Variants in KLHL3 observed in about 807,000 individuals in gnomAD.
The protein encoded by KLHL3 is kelch-like protein 3.
In KLHL3, 19 loss-of-function variants were observed where a neutral mutation model predicts 70.5. The ratio of observed to expected loss-of-function variants is 0.27; its 90% CI spans 0.19 to 0.40. KLHL3 has a LOEUF of 0.40. KLHL3 is among the 10% of genes least tolerant of loss of function. The probability of loss-of-function intolerance (pLI) is 1.00; values close to 1 mark genes in which losing one functional copy is unlikely to be tolerated. For synonymous variants in KLHL3, 258 were observed against 290.3 expected (o/e 0.89, Z 1.13); for missense variants, 512 against 771.1 (o/e 0.66, Z 3.98).
intron 13 of KLHL3, among the ~76,000 whole-genome samples, chr5:137,627,295 TA>T (rs946275468): frequency 7.9e-5 from 12 of 152,162 alleles, no homozygotes; most frequent in Admixed American, 2.6e-4. Flanking sequence ...TTTTTGTTAT[TA>T]AAAAATAGAA....
Position 137,626,002 on chromosome 5 carries a change from T to C in KLHL3, c.1592-106A>G, listed in dbSNP as rs981569219. 19 of 1,334,540 alleles carry C rather than the reference T, an allele frequency of 1.4e-5. No homozygotes were observed. The African/African-American group carries it at 2.3e-4, about 16-fold the overall frequency. 82.7% of individuals were successfully genotyped at this position (1,334,540 alleles called of 1,614,324 possible). ...TAGCCTGGGAGGCTCTTTTCCTCCC[T>C]TCATGGCAATACAACAGAGATTTGG... On this transcript the variant is annotated intron_variant, in intron 13 of 14. Transcript: ENST00000309755.
At chr5:137,694,612 C>G (rs1380918301) in intron 4 of KLHL3, among the ~76,000 whole-genome samples, 1 of 152,200 alleles carries the variant, frequency 6.6e-6, no homozygotes, top group Non-Finnish European at 1.5e-5. Flanking sequence ...ATAAAAAGCT[C>G]TGCTCCCAGT....
At chr5:137,706,784 A>T (rs1752694722) in intron 3 of KLHL3, among the ~76,000 whole-genome samples, 1 of 152,214 alleles carries the variant, frequency 6.6e-6, no homozygotes, top group African/African-American at 2.4e-5. Flanking sequence ...TGCTAAGCTC[A>T]ATTAAACAAA....
At chr5:137,667,952 T>G (rs1751653289) in intron 6 of KLHL3, among the ~76,000 whole-genome samples, 1 of 152,184 alleles carries the variant, frequency 6.6e-6, no homozygotes, top group Non-Finnish European at 1.5e-5. Context: ...TAGGTGTCAC[T>G]GCTCACATTT....
At chr5:137,692,854 A>ACACACAC (rs1561609024) in intron 4 of KLHL3, among the ~76,000 whole-genome samples, 5 of 150,822 alleles carry the variant, frequency 3.3e-5, no homozygotes, top group South Asian at 2.1e-4. Context: ...ACACACACAC[A>ACACACAC]ATGGTTCTCA....
chr5:137,663,056 C>CTTTTTTTT (rs139890036), intron 6 of KLHL3, among the ~76,000 whole-genome samples: 45 of 77,928 alleles, frequency 5.8e-4, no homozygotes, highest in East Asian at 1.3e-3. Context: ...AGCACTCGTT[C>CTTTTTTTT]TTTTTTTTTT....
At chr5:137,647,873 C>A (rs968019917) in intron 8 of KLHL3, among the ~76,000 whole-genome samples, 3 of 152,140 alleles carry the variant, frequency 2.0e-5, no homozygotes, top group Non-Finnish European at 4.4e-5. Flanking sequence ...TAGTATCAGC[C>A]CAGTCACTAT....
In KLHL3 at chr5:137,618,483, T is replaced by G. The variant is rs1366577846; in HGVS notation, c.*3615A>C. 6.6e-6 allele frequency: 1 copy of G among 152,124 alleles called. No homozygotes were observed. The highest frequency in any genetic ancestry group is 1.9e-4 in the East Asian group (1 of 5,192). The allele number at this position is 152,124 out of a possible 1,614,324, so 9.4% of individuals were successfully genotyped here. A position where few individuals can be genotyped will look rare whatever the true frequency, so the allele number is the denominator to read the frequency against. On this transcript the variant is annotated 3_prime_UTR_variant, in exon 15 of 15. Transcript: ENST00000309755. ...GCATATGCTTAACACACAGGGATCATGAGGATTGACCCCTCTTTTAAAGGT... is the reference window on the plus strand; with the variant it reads ...GCATATGCTTAACACACAGGGATCAGGAGGATTGACCCCTCTTTTAAAGGT...
intron 2 of KLHL3, among the ~76,000 whole-genome samples, chr5:137,713,505 C>T (rs1752837513): frequency 6.6e-6 from 1 of 152,104 alleles, no homozygotes. Context: ...TGGATCCCTA[C>T]CTCACACCAT....
At chr5:137,663,747 C>T (rs1178392815) in intron 6 of KLHL3, among the ~76,000 whole-genome samples, 2 of 151,998 alleles carry the variant, frequency 1.3e-5, no homozygotes, top group Non-Finnish European at 2.9e-5. Context: ...ACTCTATTTT[C>T]GCTATTAAAA....
At chr5:137,706,030 T>G (rs1192469768) in intron 3 of KLHL3, 3 of 985,336 alleles carry the variant, frequency 3.0e-6, no homozygotes, top group Non-Finnish European at 3.6e-6. Flanking sequence ...TGGGACACTC[T>G]CTGATGGGCA....
chr5:137,641,342 T>C (rs1334176070), intron 8 of KLHL3, among the ~76,000 whole-genome samples: 1 of 152,216 alleles, frequency 6.6e-6, no homozygotes, highest in Non-Finnish European at 1.5e-5. Context: ...CACAAGCTGC[T>C]GGGCCCTATC....
intron 1 of KLHL3, among the ~76,000 whole-genome samples, chr5:137,734,001 G>A (rs984395033): frequency 6.6e-6 from 1 of 152,188 alleles, no homozygotes; most frequent in African/African-American, 2.4e-5. Context: ...TGTGCAACCT[G>A]GTGTTCTAAA....
intron 6 of KLHL3, among the ~76,000 whole-genome samples, chr5:137,674,968 T>C (rs545448408): frequency 4.6e-5 from 7 of 152,192 alleles, no homozygotes; most frequent in Non-Finnish European, 7.3e-5. Flanking sequence ...TGATCAATTA[T>C]GGAGAAATAA....
At chr5:137,641,987 C>T (rs1286024432) in intron 8 of KLHL3, among the ~76,000 whole-genome samples, 1 of 152,180 alleles carries the variant, frequency 6.6e-6, no homozygotes, top group Non-Finnish European at 1.5e-5. Context: ...CATTACTTCC[C>T]ATTTGTAATT....
chr5:137,723,894 AT>A (rs1388597258), intron 1 of KLHL3, among the ~76,000 whole-genome samples: 1 of 152,170 alleles, frequency 6.6e-6, no homozygotes, highest in Admixed American at 6.5e-5. Context: ...ATTCCCTTCT[AT>A]TTTTATTAAG....
Position 137,639,448 on chromosome 5 carries a change from A to G in KLHL3, c.1022-298T>C, listed in dbSNP as rs534036031. On this transcript the variant is annotated intron_variant, in intron 9 of 14. Coordinates refer to ENST00000309755, the MANE Select transcript of KLHL3 (RefSeq NM_017415.3). This position sits in a 1 kb window ranked among gnomAD's most constrained non-coding sequence, Gnocchi z 5.0. The stretch of plus-strand genomic sequence containing the variant: ...GGTAGCTCACGCCTGTAATTCCAGT[A>G]CCTTGGGAAGCCAAGGCAGGTGGAT... Among the ~76,000 whole-genome samples, 9 of 152,272 alleles carry G rather than the reference A, an allele frequency of 5.9e-5. No homozygotes were observed. The highest frequency in any genetic ancestry group is 2.2e-4 in the African/African-American group (9 of 41,556).
chr5:137,698,687 A>T (rs1752501417), intron 3 of KLHL3, among the ~76,000 whole-genome samples: 1 of 152,236 alleles, frequency 6.6e-6, no homozygotes, highest in South Asian at 2.1e-4. Context: ...TCACTCATTT[A>T]ACCAACATTT....
chr5:137,706,347 G>T (rs1013349532), intron 3 of KLHL3: 1 of 985,148 alleles, frequency 1.0e-6, no homozygotes, highest in Non-Finnish European at 1.2e-6. Flanking sequence ...CTGATAATTA[G>T]AACAAAATTT....
Sources: gnomAD v4.1 joint callset for allele counts (sites outside exome capture counted in the v4.1 genomes callset) on GRCh38, gnomAD v4.1.1 for gene constraint, Gnocchi (gnomAD v3.1) non-coding constraint, MANE v1.5 for transcripts, NCBI Gene and HGNC (gene_info 2026-07-23, HGNC 2026-07-21) for gene names.